The following CSMD1 variants were observed in gnomAD, a reference collection of about 807,000 sequenced individuals.
CSMD1 encodes the protein CUB and Sushi multiple domains 1.
In CSMD1, 213 loss-of-function variants were observed where a neutral mutation model predicts 417.5. The ratio of observed to expected loss-of-function variants is 0.51; its 90% CI spans 0.46 to 0.57. CSMD1 has a LOEUF of 0.57. Among genes scored for constraint, CSMD1 ranks in the 20% least tolerant of loss-of-function variants. The pLI, the probability that CSMD1 is intolerant of heterozygous loss-of-function variation, is 0.00. For missense variants in CSMD1, 6,923 were observed against 4,529.7 expected (o/e 1.53, Z -15.17); for synonymous variants, 2,862 against 1,736.8 (o/e 1.65, Z -16.11).
At chr8:2,980,894 C>T (rs918897001) in intron 54 of CSMD1, among the ~76,000 whole-genome samples, 3 of 152,128 alleles carry the variant, frequency 2.0e-5, no homozygotes, top group Non-Finnish European at 4.4e-5. Flanking sequence ...ATATTTTGAG[C>T]AGTAAAAAAT....
intron 7 of CSMD1, among the ~76,000 whole-genome samples, chr8:3,699,930 C>A (rs1261896283): frequency 6.6e-6 from 1 of 151,458 alleles, no homozygotes; most frequent in Non-Finnish European, 1.5e-5. Context: ...GGTTATATCC[C>A]ATAACTACAT....
At chr8:3,952,562 G>A (rs1363496936) in intron 5 of CSMD1, among the ~76,000 whole-genome samples, 1 of 152,076 alleles carries the variant, frequency 6.6e-6, no homozygotes, top group Non-Finnish European at 1.5e-5. Flanking sequence ...AATTCACAGA[G>A]GCAGAAAACA....
At chr8:3,983,952 T>G (rs544288572) in intron 5 of CSMD1, among the ~76,000 whole-genome samples, 2 of 151,172 alleles carry the variant, frequency 1.3e-5, no homozygotes, top group Admixed American at 6.6e-5. Flanking sequence ...CTAGAGCACA[T>G]TGCAGATCTG....
chr8:4,321,867 G>A (rs1442624062), intron 3 of CSMD1, among the ~76,000 whole-genome samples: 1 of 151,964 alleles, frequency 6.6e-6, no homozygotes, highest in Non-Finnish European at 1.5e-5. Flanking sequence ...CAGAAGAAAT[G>A]AATAAATAAT....
chr8:3,696,137 TC>T (rs759451108), intron 7 of CSMD1, among the ~76,000 whole-genome samples: 43 of 152,338 alleles, frequency 2.8e-4, no homozygotes, highest in Non-Finnish European at 3.8e-4. Context: ...GCCATGGTTT[TC>T]CCAGATACAT....
chr8:3,173,519 A>G (rs148597060), intron 37 of CSMD1, among the ~76,000 whole-genome samples: 2 of 152,326 alleles, frequency 1.3e-5, no homozygotes, highest in East Asian at 3.9e-4. Flanking sequence ...AAATTTTTTG[A>G]AATGAATATG....
At chr8:4,537,720 C>T (rs1797170643) in intron 2 of CSMD1, among the ~76,000 whole-genome samples, 1 of 152,116 alleles carries the variant, frequency 6.6e-6, no homozygotes, top group African/African-American at 2.4e-5. Context: ...TGGCTTCCCC[C>T]AGCGAAGCCA....
chr8:3,343,235 G>A, intron 23 of CSMD1, 59 bp downstream of exon 23: 1 of 1,422,328 alleles, frequency 7.0e-7, no homozygotes, highest in Non-Finnish European at 9.8e-7. Flanking sequence ...TATAAGCCAA[G>A]TATCAGATAT....
At chr8:4,322,570 G>T (rs1480227701) in intron 3 of CSMD1, among the ~76,000 whole-genome samples, 4 of 152,186 alleles carry the variant, frequency 2.6e-5, no homozygotes, top group Non-Finnish European at 2.9e-5. Context: ...GTAAGATTTT[G>T]ATGAAGGAAA....
At position 3,406,181 on chromosome 8, in the gene CSMD1, T is replaced by C. The variant is rs772828770; in HGVS notation, c.2112A>G (p.Ile704Met). 6.2e-7 allele frequency: 1 copy of C among 1,612,256 alleles called. No homozygotes were observed. Among genetic ancestry groups the C allele is most frequent in the Non-Finnish European group, 8.5e-7 (1 of 1,179,048 alleles). The part of the protein sequence containing the change: ...QNECHDPGIP[I>M]NGRRFGDRFL... Reference sequence around the variant, plus strand: ...ACCTGTCACCAAAACGTCGTCCGTTTATAGGAATGCCAGGATCATGGCACT... The same window carrying C: ...ACCTGTCACCAAAACGTCGTCCGTTCATAGGAATGCCAGGATCATGGCACT... The change falls in exon 15 of 70, where the codon ATA (isoleucine) becomes ATG (methionine). Residue 704 changes from isoleucine to methionine, a missense_variant. Coordinates refer to ENST00000635120, the MANE Select transcript of CSMD1 (RefSeq NM_033225.6).
chr8:3,779,151 G>C (rs1184458904), intron 5 of CSMD1, among the ~76,000 whole-genome samples: 2 of 35,420 alleles, frequency 5.6e-5, no homozygotes, highest in Non-Finnish European at 1.3e-4. Context: ...GTGCATACTT[G>C]TGTGTGTGTG....
chr8:3,412,009 T>C lies in CSMD1; in HGVS notation c.1562-2404A>G, dbSNP rs1005115058. ...ATATATACGTGTATATACACGTATA[T>C]ATATACATATACACACGTATATATA... On this transcript the variant is annotated intron_variant, in intron 12 of 69. Transcript: ENST00000635120. 7.8e-4 allele frequency among the ~76,000 whole-genome samples: 44 copies of C among 56,282 alleles called. 8 individuals carry two copies. Among genetic ancestry groups the C allele is most frequent in the Non-Finnish European group, 1.2e-3 (36 of 28,830 alleles). 36.9% of individuals were successfully genotyped at this position (56,282 alleles called of 152,430 possible). A position where few individuals can be genotyped will look rare whatever the true frequency, so the allele number is the denominator to read the frequency against.
chr8:3,672,564 A>C (rs1027076638), intron 7 of CSMD1, among the ~76,000 whole-genome samples: 9 of 152,236 alleles, frequency 5.9e-5, no homozygotes, highest in Admixed American at 4.6e-4. Context: ...TAATGGTTTA[A>C]AGCTCATGGA....
chr8:3,350,342 A>G (rs1808336642), intron 21 of CSMD1, among the ~76,000 whole-genome samples: 1 of 144,706 alleles, frequency 6.9e-6, no homozygotes, highest in South Asian at 2.1e-4. Flanking sequence ...GTGTGTTATA[A>G]TACCTATAAT....
chr8:3,119,476 G>A (rs111883512), intron 41 of CSMD1, among the ~76,000 whole-genome samples: 1 of 145,504 alleles, frequency 6.9e-6, no homozygotes, highest in Non-Finnish European at 1.5e-5. Flanking sequence ...GATTTATTGT[G>A]CTTTATCATT....
At chr8:3,312,428 G>A (rs535557508) in intron 23 of CSMD1, among the ~76,000 whole-genome samples, 1 of 152,138 alleles carries the variant, frequency 6.6e-6, no homozygotes, top group Non-Finnish European at 1.5e-5. Flanking sequence ...CTCTAGGCTT[G>A]TGTGATGTCT....
At chr8:3,952,366 A>G (rs1165266588) in intron 5 of CSMD1, among the ~76,000 whole-genome samples, 2 of 152,238 alleles carry the variant, frequency 1.3e-5, no homozygotes, top group African/African-American at 2.4e-5. Context: ...TGAACCAAAC[A>G]TAAAATAGAT....
At chr8:4,271,328 A>T (rs1188858663) in intron 3 of CSMD1, among the ~76,000 whole-genome samples, 1 of 152,196 alleles carries the variant, frequency 6.6e-6, no homozygotes, top group East Asian at 1.9e-4. Context: ...GAAATCGTTC[A>T]TTAGTAAGAA....
intron 26 of CSMD1, among the ~76,000 whole-genome samples, chr8:3,261,387 AT>A (rs1206632518): frequency 1.3e-5 from 2 of 152,224 alleles, no homozygotes; most frequent in Non-Finnish European, 2.9e-5. Context: ...CGTTCCCATG[AT>A]AAAGATAACA....
Sources: gnomAD v4.1 joint callset for allele counts (sites outside exome capture counted in the v4.1 genomes callset) on GRCh38, gnomAD v4.1.1 for gene constraint, MANE v1.5 for transcripts, NCBI Gene and HGNC (gene_info 2026-07-23, HGNC 2026-07-21) for gene names.